Variants in FAM199X observed in about 807,000 individuals in gnomAD.
FAM199X encodes family with sequence similarity 199, X-linked.
Under a neutral mutation model 22.9 loss-of-function variants are expected in FAM199X, and 4 were observed. The ratio of observed to expected loss-of-function variants is 0.17; its 90% CI spans 0.09 to 0.40. FAM199X has a LOEUF of 0.40. Ranked by LOEUF, FAM199X falls within the 10% of genes least tolerant of loss-of-function variation. The pLI, the probability that FAM199X is intolerant of heterozygous loss-of-function variation, is 1.00. For missense variants in FAM199X, 183 were observed against 306.8 expected (o/e 0.60, Z 3.01); for synonymous variants, 101 against 112.3 (o/e 0.90, Z 0.64).
chrX:104,172,239 C>CAA (rs782684130), intron 1 of FAM199X, among the ~76,000 whole-genome samples: 2 of 63,744 alleles, frequency 3.1e-5, no homozygotes, highest in African/African-American at 5.7e-5. Context: ...CTTTCTCTTC[C>CAA]AAAAAAAAAA....
chrX:104,170,522 G>A (rs1193357469), intron 1 of FAM199X, among the ~76,000 whole-genome samples: 3 of 111,954 alleles, frequency 2.7e-5, no homozygotes, highest in Non-Finnish European at 5.6e-5. Context: ...ATTTAGCAGG[G>A]AAAGAAAGGA....
Position 104,185,930 on chromosome X carries a change from C to T in FAM199X, c.418-136C>T, listed in dbSNP as rs1921792802. 5 of 602,550 alleles carry T rather than the reference C, an allele frequency of 8.3e-6. No homozygotes were observed. The South Asian group carries it at 1.3e-4, about 16-fold the overall frequency. 49.7% of individuals were successfully genotyped at this position (602,550 alleles called of 1,213,427 possible). A position where few individuals can be genotyped will look rare whatever the true frequency, so the allele number is the denominator to read the frequency against. Reference sequence around the variant, plus strand: ...GCCATTAGTCTTATATTAAAGGAAGCCCTCTTAGCACAGCCAGCAGCACGT... The same window carrying T: ...GCCATTAGTCTTATATTAAAGGAAGTCCTCTTAGCACAGCCAGCAGCACGT... On this transcript the variant is annotated intron_variant, in intron 2 of 5. Coordinates refer to ENST00000493442, the MANE Select transcript of FAM199X (RefSeq NM_207318.4).
rs1394928468 is a variant in FAM199X, at chrX:104,181,460, C to T, written c.418-4606C>T. Reference sequence around the variant, plus strand: ...ACTTAGATGACCTTAATATTTAATACTAACCCATTATTTGATGCTGAGTCT... The same window carrying T: ...ACTTAGATGACCTTAATATTTAATATTAACCCATTATTTGATGCTGAGTCT... On this transcript the variant is annotated intron_variant, in intron 2 of 5. Coordinates refer to ENST00000493442, the MANE Select transcript of FAM199X (RefSeq NM_207318.4). 3.6e-5 allele frequency among the ~76,000 whole-genome samples: 4 copies of T among 112,034 alleles called. No homozygotes were observed. In the South Asian group the frequency reaches 1.5e-3, roughly 41 times the overall value.
At chrX:104,166,376 C>T (rs782287545), upstream of FAM199X, among the ~76,000 whole-genome samples, 1 of 111,755 alleles carries the variant, frequency 8.9e-6, no homozygotes, top group East Asian at 2.9e-4. Context: ...TCAGTTCCTC[C>T]TCCGGTCCAG....
At position 104,180,518 on chromosome X, in the gene FAM199X, G is replaced by A. The variant is rs1921801330; in HGVS notation, c.417+4676G>A. 5.4e-5 allele frequency among the ~76,000 whole-genome samples: 6 copies of A among 110,653 alleles called. No individual in the cohort carries two copies. In the South Asian group the frequency reaches 2.3e-3, roughly 43 times the overall value. On this transcript the variant is annotated intron_variant, in intron 2 of 5. Coordinates refer to ENST00000493442, the MANE Select transcript of FAM199X (RefSeq NM_207318.4). ...ACTCATGTTATGAGTAGTTAAGAGT[G>A]GAAAACCATCCCCAGCCATTCACCG...
rs894490132 is a variant in FAM199X at position 104,166,852 on chromosome X, C to A, written c.67C>A (p.Leu23Ile). The A allele has an allele frequency of 5.8e-6, 7 of 1,205,546 alleles. No individual in the cohort carries two copies. Among genetic ancestry groups the A allele is most frequent in the Non-Finnish European group, 7.8e-6 (7 of 892,463 alleles). Residue 23 changes from leucine to isoleucine, a missense_variant, in exon 1 of 6, where the codon CTC becomes ATC. Transcript: ENST00000493442. ...TCTAACCCCCGAGGAGCCCTTCCCA[C>A]TCCTGGGACCTCCTCGCGGGGTGGG... ...KFLTPEEPFPLLGPPRGVGTC... is the reference protein window; with the variant it reads ...KFLTPEEPFPILGPPRGVGTC...
chrX:104,185,575 A>T (rs782012593), intron 2 of FAM199X, among the ~76,000 whole-genome samples: 6 of 112,039 alleles, frequency 5.4e-5, no homozygotes, highest in Non-Finnish European at 1.1e-4. Flanking sequence ...GATCAGAATT[A>T]ATGTCCTCTG....
Position 104,191,100 on chromosome X carries a change from G to A in FAM199X, c.*1322G>A, listed in dbSNP as rs187353165. 42 of 111,589 alleles carry A rather than the reference G, an allele frequency of 3.8e-4. No homozygotes were observed. In the East Asian group the frequency reaches 0.011, roughly 30 times the overall value. The allele number at this position is 111,589 out of a possible 1,213,427, so 9.2% of individuals were successfully genotyped here. A position where few individuals can be genotyped will look rare whatever the true frequency, so the allele number is the denominator to read the frequency against. The stretch of plus-strand genomic sequence containing the variant: ...TGTGGATAGCATTTTGAAGGTGACC[G>A]TGATTCTGTAGGAAGAGCTGTAATC... On this transcript the variant is annotated 3_prime_UTR_variant, in exon 6 of 6. Transcript: ENST00000493442.
At chrX:104,169,993 G>C (rs1385895440) in intron 1 of FAM199X, among the ~76,000 whole-genome samples, 1 of 112,022 alleles carries the variant, frequency 8.9e-6, no homozygotes, top group Non-Finnish European at 1.9e-5. Context: ...TACATGGATT[G>C]GTCTAGAATT....
rs1212753313 is a variant in FAM199X, at chrX:104,192,022, T to C, written c.*2244T>C. 9.0e-6 allele frequency: 1 copy of C among 111,548 alleles called. No homozygotes were observed. The highest frequency in any genetic ancestry group is 3.2e-5 in the African/African-American group (1 of 30,796). 9.2% of individuals were successfully genotyped at this position (111,548 alleles called of 1,213,427 possible). On this transcript the variant is annotated 3_prime_UTR_variant, in exon 6 of 6. Transcript: ENST00000493442. ...TATAAATTAGAGATAGTCCATAAAG[T>C]TGGGTTGAAGGAGATTGAAAATATT...
Position 104,188,133 on chromosome X carries a change from G to A in FAM199X, c.823G>A (p.Val275Met). 1.7e-6 allele frequency: 2 copies of A among 1,211,701 alleles called. No homozygotes were observed. Among genetic ancestry groups the A allele is most frequent in the East Asian group, 3.0e-5 (1 of 33,824 alleles). The change falls in exon 5 of 6, where the codon GTG becomes ATG. Residue 275 changes from valine to methionine, a missense_variant. Physicochemically the swap from Val to Met is conservative, Grantham distance 21. Coordinates refer to ENST00000493442, the MANE Select transcript of FAM199X (RefSeq NM_207318.4). ...SNFSCASTSGVSGASASASSS... is the reference protein window; with the variant it reads ...SNFSCASTSGMSGASASASSS... ...CTTTAGTTGTGCAAGCACCAGTGGA[G>A]TGAGCGGTGCCAGTGCCAGCGCCAG...
intron 2 of FAM199X, among the ~76,000 whole-genome samples, chrX:104,185,698 C>T (rs1556378923): frequency 1.8e-5 from 2 of 110,782 alleles, no homozygotes; most frequent in African/African-American, 6.6e-5. Context: ...GCAACCTCCA[C>T]CTCCCAGGTT....
Position 104,167,080 on chromosome X carries a change from C to G in FAM199X, c.197+98C>G, listed in dbSNP as rs1221463937. 1.2e-5 allele frequency: 9 copies of G among 780,626 alleles called. No individual in the cohort carries two copies. In the Admixed American group the frequency reaches 1.4e-4, roughly 12 times the overall value. The allele number at this position is 780,626 out of a possible 1,213,427, so 64.3% of individuals were successfully genotyped here. A position where few individuals can be genotyped will look rare whatever the true frequency, so the allele number is the denominator to read the frequency against. On this transcript the variant is annotated intron_variant, in intron 1 of 5. Coordinates refer to ENST00000493442, the MANE Select transcript of FAM199X (RefSeq NM_207318.4). ...GGGCTGCGCTTCCAGTCGCCCCCTC[C>G]CCCACCTGCTTTCGACCAGCGCTCA...
At chrX:104,175,901 T>C (rs1921478290) in intron 2 of FAM199X, 59 bp downstream of exon 2, 24 of 851,747 alleles carry the variant, frequency 2.8e-5, no homozygotes, top group Non-Finnish European at 4.0e-5. Flanking sequence ...TATAAACTTT[T>C]CTTTTGATAT....
chrX:104,177,335 C>T (rs1382400628), intron 2 of FAM199X, among the ~76,000 whole-genome samples: 1 of 111,589 alleles, frequency 9.0e-6, no homozygotes, highest in Non-Finnish European at 1.9e-5. Flanking sequence ...TGTAGATGTA[C>T]AGTACCACAT....
Position 104,191,333 on chromosome X carries a change from T to G in FAM199X, c.*1555T>G, listed in dbSNP as rs782169475. The stretch of plus-strand genomic sequence containing the variant: ...AAGAATGGAAACTGGGGATAAAAAT[T>G]AATACACTGCAGCTTTGCCAAGGTC... On this transcript the variant is annotated 3_prime_UTR_variant, in exon 6 of 6. Transcript: ENST00000493442. 8.9e-6 allele frequency: 1 copy of G among 112,274 alleles called. No individual in the cohort carries two copies. The highest frequency in any genetic ancestry group is 3.2e-5 in the African/African-American group (1 of 30,999). The allele number at this position is 112,274 out of a possible 1,213,427, so 9.3% of individuals were successfully genotyped here. A position where few individuals can be genotyped will look rare whatever the true frequency, so the allele number is the denominator to read the frequency against.
chrX:104,179,279 A>T (rs1921579388), intron 2 of FAM199X, among the ~76,000 whole-genome samples: 2 of 112,057 alleles, frequency 1.8e-5, no homozygotes, highest in Non-Finnish European at 3.8e-5. Flanking sequence ...TTAATATGAG[A>T]TGGAATATCT....
chrX:104,185,062 A>ATTT lies in FAM199X; in HGVS notation c.418-981_418-979dup, dbSNP rs782075983. Among the ~76,000 whole-genome samples, 44 of 77,915 alleles carry ATTT rather than the reference A, an allele frequency of 5.6e-4. No homozygotes were observed. In the East Asian group the frequency reaches 9.3e-3, roughly 16 times the overall value. 67.7% of individuals were successfully genotyped at this position (77,915 alleles called of 115,157 possible). A position where few individuals can be genotyped will look rare whatever the true frequency, so the allele number is the denominator to read the frequency against. On this transcript the variant is annotated intron_variant, in intron 2 of 5. Transcript: ENST00000493442. Reference sequence around the variant, plus strand: ...AAATGCTGGAATTACAGGCATGATAATTTTTTTTTTTTTTTTTTTTTTTTT... The same window carrying ATTT: ...AAATGCTGGAATTACAGGCATGATAATTTTTTTTTTTTTTTTTTTTTTTTTTTT...
chrX:104,178,110 A>G (rs782128316), intron 2 of FAM199X, among the ~76,000 whole-genome samples: 17 of 111,622 alleles, frequency 1.5e-4, no homozygotes, highest in African/African-American at 5.5e-4. Flanking sequence ...CTTTTTGTAT[A>G]TGATATGTAA....
Sources: gnomAD v4.1 joint callset for allele counts (sites outside exome capture counted in the v4.1 genomes callset) on GRCh38, gnomAD v4.1.1 for gene constraint, MANE v1.5 for transcripts, NCBI Gene and HGNC (gene_info 2026-07-23, HGNC 2026-07-21) for gene names.